The following SLC4A4 variants were observed in gnomAD, a reference collection of about 807,000 sequenced individuals.
SLC4A4 encodes the protein electrogenic sodium bicarbonate cotransporter 1.
SLC4A4 carries 27 observed loss-of-function variants against 111.5 expected under a neutral mutation model. The ratio of observed to expected loss-of-function variants is 0.24; its 90% CI spans 0.18 to 0.33. SLC4A4 has a LOEUF of 0.33. Among genes scored for constraint, SLC4A4 ranks in the 10% least tolerant of loss-of-function variants. The pLI is 1.00. For missense variants in SLC4A4, 909 were observed against 1,315.5 expected, an observed-to-expected ratio of 0.69 and a Z score of 4.78; for synonymous variants, 443 against 463.4, an observed-to-expected ratio of 0.96 and a Z score of 0.57.
chr4:71,390,555 C>T (rs1226826299), intron 6 of SLC4A4, among the ~76,000 whole-genome samples: 2 of 152,072 alleles, frequency 1.3e-5, no homozygotes, highest in African/African-American at 4.8e-5. Context: ...AATATTTCCC[C>T]CCTTCTTTTC....
intron 5 of SLC4A4, among the ~76,000 whole-genome samples, chr4:71,353,212 T>C (rs1002258603): frequency 5.9e-5 from 9 of 152,230 alleles, no homozygotes; most frequent in Non-Finnish European, 1.0e-4. Context: ...CTAACCTCCA[T>C]GCATTTACTT....
chr4:71,533,598 T>A (rs2149212622), intron 17 of SLC4A4, among the ~76,000 whole-genome samples: 1 of 152,124 alleles, frequency 6.6e-6, no homozygotes, highest in Middle Eastern at 3.4e-3. Context: ...TTTCCAGTTT[T>A]TTTTTGTGAT....
intron 7 of SLC4A4, among the ~76,000 whole-genome samples, chr4:71,418,841 T>C (rs1277168306): frequency 6.6e-6 from 1 of 152,196 alleles, no homozygotes; most frequent in East Asian, 1.9e-4. Context: ...TTTTGGTCTT[T>C]GATGATGGTG....
chr4:71,111,064 C>A (rs1177661859), intron 2 of SLC4A4, among the ~76,000 whole-genome samples: 1 of 152,172 alleles, frequency 6.6e-6, no homozygotes, highest in Non-Finnish European at 1.5e-5. Context: ...TCCAGCTTCA[C>A]CTCTCAGTAT....
intron 1 of SLC4A4, among the ~76,000 whole-genome samples, chr4:71,235,499 C>A (rs1400562778): frequency 2.0e-5 from 3 of 152,164 alleles, no homozygotes; most frequent in Non-Finnish European, 4.4e-5. Context: ...GAGCAGCTGT[C>A]CCCAGAGAAA....
At chr4:71,289,473 T>C (rs748417174) in intron 3 of SLC4A4, among the ~76,000 whole-genome samples, 2 of 152,216 alleles carry the variant, frequency 1.3e-5, no homozygotes, top group African/African-American at 2.4e-5. Context: ...AAAATGTTAT[T>C]ATGCAAGAGA....
intron 1 of SLC4A4, among the ~76,000 whole-genome samples, chr4:71,072,556 A>G (rs1000389112): frequency 3.4e-5 from 5 of 147,806 alleles, no homozygotes; most frequent in Non-Finnish European, 7.4e-5. Context: ...TCCCAGCCTT[A>G]TGGCTTTTTT....
intron 16 of SLC4A4, among the ~76,000 whole-genome samples, chr4:71,512,685 A>T (rs1260989885): frequency 6.6e-6 from 1 of 151,980 alleles, no homozygotes; most frequent in Non-Finnish European, 1.5e-5. Flanking sequence ...TGAATTTCAG[A>T]TCTTAATCAT....
intron 12 of SLC4A4, among the ~76,000 whole-genome samples, chr4:71,457,252 A>G (rs1220093250): frequency 1.3e-5 from 2 of 152,208 alleles, no homozygotes; most frequent in East Asian, 1.9e-4. Flanking sequence ...CCATGAAATT[A>G]TGTTCAAAAT....
At chr4:71,084,766 G>A (rs951229677) in intron 1 of SLC4A4, among the ~76,000 whole-genome samples, 2 of 151,988 alleles carry the variant, frequency 1.3e-5, no homozygotes, top group Admixed American at 6.5e-5. Context: ...AGTATTCCAT[G>A]GTGTATATGT....
chr4:71,180,699 A>C (rs1474165931), intron 2 of SLC4A4, among the ~76,000 whole-genome samples: 5 of 152,226 alleles, frequency 3.3e-5, no homozygotes, highest in Non-Finnish European at 7.3e-5. Flanking sequence ...GTCAGGAAAC[A>C]ACAGGTGCTG....
intron 20 of SLC4A4, among the ~76,000 whole-genome samples, chr4:71,554,537 A>T (rs1736297976): frequency 6.6e-6 from 1 of 151,878 alleles, no homozygotes; most frequent in South Asian, 2.1e-4. Context: ...GTATTAATCC[A>T]TGTGTGTAAT....
chr4:71,158,444 G>A (rs1273599856), intron 2 of SLC4A4, among the ~76,000 whole-genome samples: 1 of 152,048 alleles, frequency 6.6e-6, no homozygotes, highest in Non-Finnish European at 1.5e-5. Context: ...TTGAAAAGCT[G>A]GAATGTTTCT....
intron 2 of SLC4A4, among the ~76,000 whole-genome samples, chr4:71,239,724 A>G (rs1720056759): frequency 6.6e-6 from 1 of 152,216 alleles, no homozygotes; most frequent in African/African-American, 2.4e-5. Context: ...TTAATGGCTT[A>G]AAGAGATACT....
intron 16 of SLC4A4, among the ~76,000 whole-genome samples, chr4:71,500,183 T>C (rs1730785585): frequency 6.6e-6 from 1 of 152,198 alleles, no homozygotes. Context: ...CTTCATGATG[T>C]TGAGCATTTT....
At chr4:71,296,443 C>T (rs1406427468) in intron 3 of SLC4A4, among the ~76,000 whole-genome samples, 2 of 152,120 alleles carry the variant, frequency 1.3e-5, no homozygotes, top group Admixed American at 6.6e-5. Flanking sequence ...TAATGGCTGG[C>T]AGCATTTCTA....
At chr4:71,364,269 A>T (rs190162612) in intron 6 of SLC4A4, among the ~76,000 whole-genome samples, 2 of 152,198 alleles carry the variant, frequency 1.3e-5, no homozygotes, top group Admixed American at 1.3e-4. Flanking sequence ...AGCAATTTAC[A>T]TAATCTCTTT....
chr4:71,535,987 G>A (rs10938144), intron 18 of SLC4A4, among the ~76,000 whole-genome samples: 85,701 of 151,886 alleles, frequency 0.56, 29,596 homozygotes, highest in Non-Finnish European at 0.77. Flanking sequence ...AAATTCAGTT[G>A]GAAAATTACA....
chr4:71,429,646 G>A (rs1723463862), intron 7 of SLC4A4, among the ~76,000 whole-genome samples: 1 of 152,070 alleles, frequency 6.6e-6, no homozygotes, highest in Non-Finnish European at 1.5e-5. Flanking sequence ...GTACCACAAG[G>A]CAGCCATTTA....
Sources: allele counts gnomAD v4.1 joint callset (sites outside exome capture counted in the v4.1 genomes callset), GRCh38; gene constraint gnomAD v4.1.1; transcripts MANE v1.5; gene names NCBI Gene and HGNC (gene_info 2026-07-23, HGNC 2026-07-21).